The following BRINP3 variants were observed in gnomAD, a reference collection of about 807,000 sequenced individuals.
BRINP3 encodes the protein BMP/retinoic acid inducible neural specific 3.
In BRINP3, 19 loss-of-function variants were observed where a neutral mutation model predicts 71.0. The observed-to-expected ratio is 0.27, with a 90% CI of 0.19 to 0.39. The LOEUF is 0.39. BRINP3 is among the 10% of genes least tolerant of loss of function. BRINP3 has a pLI of 1.00. For synonymous variants in BRINP3, 380 were observed against 337.7 expected (o/e 1.13, Z -1.37); for missense variants, 959 against 940.8 (o/e 1.02, Z -0.25).
intron 5 of BRINP3, among the ~76,000 whole-genome samples, chr1:190,232,589 G>C (rs1658099783): frequency 6.6e-6 from 1 of 151,614 alleles, no homozygotes; most frequent in African/African-American, 2.4e-5. Context: ...AGGTTTCTGA[G>C]TTACGCACAT....
chr1:190,218,392 T>C (rs889589846), intron 6 of BRINP3, among the ~76,000 whole-genome samples: 4 of 152,214 alleles, frequency 2.6e-5, no homozygotes, highest in South Asian at 2.1e-4. Context: ...TACAATTCCA[T>C]TGTGTAAATA....
chr1:190,184,718 A>AGAT (rs1337842220), intron 6 of BRINP3, among the ~76,000 whole-genome samples: 1 of 152,148 alleles, frequency 6.6e-6, no homozygotes, highest in African/African-American at 2.4e-5. Flanking sequence ...TAGCAAAAAT[A>AGAT]GATAGTGAGT....
intron 2 of BRINP3, among the ~76,000 whole-genome samples, chr1:190,441,802 G>A (rs933016145): frequency 5.3e-5 from 8 of 152,098 alleles, no homozygotes; most frequent in Non-Finnish European, 1.2e-4. Flanking sequence ...AAAGAGAATA[G>A]TAATGTGAAG....
intron 6 of BRINP3, among the ~76,000 whole-genome samples, chr1:190,183,703 GA>G (rs75196268): frequency 0.028 from 4,292 of 152,174 alleles, 312 homozygotes; most frequent in East Asian, 0.23. Context: ...CTTTCCAGTA[GA>G]AGTTCTTTGT....
chr1:190,271,880 G>C (rs1370682702), intron 3 of BRINP3, among the ~76,000 whole-genome samples: 3 of 151,470 alleles, frequency 2.0e-5, no homozygotes, highest in African/African-American at 7.3e-5. Context: ...ATTTGATTTA[G>C]GAATACTTCG....
intron 6 of BRINP3, among the ~76,000 whole-genome samples, chr1:190,191,565 T>C (rs985030592): frequency 2.6e-5 from 4 of 152,106 alleles, no homozygotes; most frequent in Admixed American, 2.0e-4. Flanking sequence ...TTCATCCATG[T>C]CACTGCAAAG....
intron 2 of BRINP3, among the ~76,000 whole-genome samples, chr1:190,318,580 A>T (rs980528823): frequency 6.6e-6 from 1 of 152,074 alleles, no homozygotes; most frequent in Non-Finnish European, 1.5e-5. Context: ...AGGATTAGGG[A>T]AAGGTTTTGA....
At chr1:190,262,467 C>T (rs1661269113) in intron 4 of BRINP3, among the ~76,000 whole-genome samples, 2 of 152,146 alleles carry the variant, frequency 1.3e-5, no homozygotes, top group South Asian at 2.1e-4. Flanking sequence ...TCCTTTTTTC[C>T]TTAGTTACAG....
intron 2 of BRINP3, among the ~76,000 whole-genome samples, chr1:190,347,621 A>G (rs1205767753): frequency 6.6e-6 from 1 of 152,150 alleles, no homozygotes; most frequent in South Asian, 2.1e-4. Context: ...AGAAATACCA[A>G]TTTTCCCAAA....
In BRINP3 at chr1:190,317,065, G is replaced by A. The variant is rs569971942; in HGVS notation, c.237-35315C>T. Reference sequence around the variant, plus strand: ...TGGGTGCCTATAATCCCAGCTACTCGGGAGGCTGAGATGGGAGAATCACTT... The same window carrying A: ...TGGGTGCCTATAATCCCAGCTACTCAGGAGGCTGAGATGGGAGAATCACTT... On this transcript the variant is annotated intron_variant, in intron 2 of 7. Transcript: ENST00000367462. Among the ~76,000 whole-genome samples the A allele has an allele frequency of 4.6e-5, 7 of 151,316 alleles. No homozygotes were observed. The East Asian group carries it at 5.9e-4, about 13-fold the overall frequency.
chr1:190,292,074 T>C (rs1333164925), intron 2 of BRINP3, among the ~76,000 whole-genome samples: 1 of 152,116 alleles, frequency 6.6e-6, no homozygotes, highest in Non-Finnish European at 1.5e-5. Flanking sequence ...TTGACCTTTC[T>C]CATATGTGAA....
intron 2 of BRINP3, among the ~76,000 whole-genome samples, chr1:190,365,616 A>T (rs10920706): frequency 0.18 from 26,057 of 145,982 alleles, 2,460 homozygotes; most frequent in African/African-American, 0.23. Flanking sequence ...ATTAAAATAT[A>T]TTAATATATT....
chr1:190,474,028 T>C (rs920706650), intron 1 of BRINP3, among the ~76,000 whole-genome samples: 1 of 152,168 alleles, frequency 6.6e-6, no homozygotes. Flanking sequence ...CTGTCCTTTA[T>C]ATATTAAGGT....
chr1:190,240,973 T>C (rs1484701496), intron 4 of BRINP3, among the ~76,000 whole-genome samples: 1 of 151,542 alleles, frequency 6.6e-6, no homozygotes, highest in African/African-American at 2.4e-5. Flanking sequence ...GTTTCCATTA[T>C]GTTTTATTAT....
chr1:190,139,171 C>T (rs996692325), intron 7 of BRINP3, among the ~76,000 whole-genome samples: 1 of 151,540 alleles, frequency 6.6e-6, no homozygotes, highest in Non-Finnish European at 1.5e-5. Context: ...ATGATCGGCC[C>T]GGAGCCGTGG....
chr1:190,112,372 T>A (rs926364610), intron 7 of BRINP3, among the ~76,000 whole-genome samples: 1 of 152,150 alleles, frequency 6.6e-6, no homozygotes, highest in Non-Finnish European at 1.5e-5. Context: ...GAGGATATAT[T>A]CTAATGTCAA....
At chr1:190,387,869 A>G (rs1034636879) in intron 2 of BRINP3, among the ~76,000 whole-genome samples, 4 of 151,800 alleles carry the variant, frequency 2.6e-5, no homozygotes, top group Non-Finnish European at 5.9e-5. Context: ...TTATTCTTGA[A>G]TATCTAACCA....
chr1:190,172,330 GT>G (rs1350338686), intron 6 of BRINP3, among the ~76,000 whole-genome samples: 1 of 151,156 alleles, frequency 6.6e-6, no homozygotes, highest in Non-Finnish European at 1.5e-5. Flanking sequence ...TTTTTATCAT[GT>G]TATGTTTATA....
At chr1:190,232,634 G>C (rs1217960959) in intron 5 of BRINP3, among the ~76,000 whole-genome samples, 1 of 151,544 alleles carries the variant, frequency 6.6e-6, no homozygotes, top group Non-Finnish European at 1.5e-5. Flanking sequence ...ATACAAAAGA[G>C]AAATGTTGCT....
Sources: allele counts gnomAD v4.1 joint callset (sites outside exome capture counted in the v4.1 genomes callset), GRCh38; gene constraint gnomAD v4.1.1; transcripts MANE v1.5; gene names NCBI Gene and HGNC (gene_info 2026-07-23, HGNC 2026-07-21).